Variants in SULF2 observed in about 807,000 individuals in gnomAD.
SULF2 encodes extracellular sulfatase Sulf-2.
Under a neutral mutation model 107.7 loss-of-function variants are expected in SULF2, and 52 were observed. The observed-to-expected ratio is 0.48, with a 90% CI of 0.39 to 0.61. The LOEUF (loss-of-function observed/expected upper bound fraction) is 0.61, where lower values mean the gene tolerates loss of function less well. Among genes scored for constraint, SULF2 ranks in the 20% least tolerant of loss-of-function variants. SULF2 has a pLI of 0.00. For missense variants in SULF2, 993 were observed against 1,177.3 expected (o/e 0.84, Z 2.29); for synonymous variants, 460 against 464.3 (o/e 0.99, Z 0.12).
chr20:47,697,166 A>G (rs2146571907), intron 4 of SULF2, among the ~76,000 whole-genome samples: 1 of 152,232 alleles, frequency 6.6e-6, no homozygotes, highest in Middle Eastern at 3.4e-3. Flanking sequence ...ACTCTAGGTC[A>G]TTCTCACTTC....
In SULF2 at chr20:47,678,872, G is replaced by T. The variant is rs560007487; in HGVS notation, c.1065-68C>A. 2.1e-6 allele frequency: 3 copies of T among 1,426,232 alleles called. No homozygotes were observed. The East Asian group carries it at 6.9e-5, about 33-fold the overall frequency. The allele number at this position is 1,426,232 out of a possible 1,614,324, so 88.3% of individuals were successfully genotyped here. A position where few individuals can be genotyped will look rare whatever the true frequency, so the allele number is the denominator to read the frequency against. On this transcript the variant is annotated intron_variant, in intron 7 of 20. Transcript: ENST00000688720. The surrounding 1 kb of genome is among the most constrained non-coding windows in gnomAD (Gnocchi z 4.5). ...GGTGCCTCAGCCTCGCGTGGGGGGT[G>T]GGGAGCGGTAGGTGGGCAGCAGTTT...
At chr20:47,711,666 CT>C (rs1307167271) in intron 3 of SULF2, among the ~76,000 whole-genome samples, 1 of 152,214 alleles carries the variant, frequency 6.6e-6, no homozygotes, top group Non-Finnish European at 1.5e-5. Flanking sequence ...CCAGAGCTGA[CT>C]CGCTGAATCA....
At chr20:47,772,777 G>A (rs954675002) in intron 1 of SULF2, among the ~76,000 whole-genome samples, 2 of 152,152 alleles carry the variant, frequency 1.3e-5, no homozygotes, top group Admixed American at 6.5e-5. Flanking sequence ...GTGCGTGGAC[G>A]GCTAAGATGA....
chr20:47,769,663 C>T (rs1042149605), intron 1 of SULF2, among the ~76,000 whole-genome samples: 5 of 152,172 alleles, frequency 3.3e-5, no homozygotes, highest in African/African-American at 1.2e-4. Flanking sequence ...GTTCCCGGCC[C>T]TATTCTTCAG....
chr20:47,737,755 G>GTTTTTTTTTTTTTTTTTT lies in SULF2; in HGVS notation c.176-831_176-814dup, dbSNP rs11484375. On this transcript the variant is annotated intron_variant, in intron 2 of 20. Transcript: ENST00000688720. ...CTGCTCTTGTTTCTTTCTTTTCTTT[G>GTTTTTTTTTTTTTTTTTT]TTTTTTTTTTTTTTTTTTTTTTTTT... Among the ~76,000 whole-genome samples the GTTTTTTTTTTTTTTTTTT allele has an allele frequency of 4.4e-4, 27 of 61,838 alleles. 1 individual carries two copies. The highest frequency in any genetic ancestry group is 5.0e-4 in the African/African-American group (8 of 15,964). 40.6% of individuals were successfully genotyped at this position (61,838 alleles called of 152,430 possible).
chr20:47,724,615 A>C (rs753698697), intron 3 of SULF2, among the ~76,000 whole-genome samples: 2 of 152,182 alleles, frequency 1.3e-5, no homozygotes, highest in Non-Finnish European at 2.9e-5. Context: ...CTCCATCTCT[A>C]GTGACAGGTT....
At position 47,665,862 on chromosome 20, in the gene SULF2, G is replaced by C. The variant is rs1450969968; in HGVS notation, c.1897C>G (p.His633Asp). The change falls in exon 13 of 21, where the codon CAC becomes GAC. Residue 633 changes from histidine (H) to aspartate (D), a missense_variant. Transcript: ENST00000688720. ...CTCTCCCGCTCTCCACTCACCTCGT[G>C]GTCGATGTGCAGCTTGTGGTCTTTC... is the stretch of plus-strand genomic sequence containing the variant. ...AWKDHKLHID[H>D]EIETLQNKIK... 1.9e-6 allele frequency: 3 copies of C among 1,613,656 alleles called. No homozygotes were observed. Among genetic ancestry groups the C allele is most frequent in the Non-Finnish European group, 1.7e-6 (2 of 1,179,686 alleles).
intron 11 of SULF2, among the ~76,000 whole-genome samples, chr20:47,667,039 A>G (rs1463284595): frequency 6.6e-6 from 1 of 152,150 alleles, no homozygotes; most frequent in African/African-American, 2.4e-5. Context: ...GGGTGATGAA[A>G]TGTTTTGGAA....
At chr20:47,668,597 C>T (rs576255144) in intron 11 of SULF2, among the ~76,000 whole-genome samples, 51 of 152,342 alleles carry the variant, frequency 3.3e-4, no homozygotes, top group African/African-American at 1.1e-3. Flanking sequence ...GTGGCCCCGG[C>T]GATTTGGGTA....
At chr20:47,775,071 G>C (rs574888458) in intron 1 of SULF2, among the ~76,000 whole-genome samples, 2 of 152,280 alleles carry the variant, frequency 1.3e-5, no homozygotes, top group East Asian at 3.9e-4. Context: ...AGTCTGTGAT[G>C]AATGGGTACT....
chr20:47,785,870 C>G (rs2090924384), upstream of SULF2: 1 of 152,876 alleles, frequency 6.5e-6, no homozygotes, highest in African/African-American at 2.4e-5. Flanking sequence ...GCGACCCGGC[C>G]CTGCCTGTCC....
intron 1 of SULF2, among the ~76,000 whole-genome samples, chr20:47,771,646 A>C (rs1245343435): frequency 6.6e-6 from 1 of 151,774 alleles, no homozygotes; most frequent in Non-Finnish European, 1.5e-5. Flanking sequence ...CCAGGAGGGA[A>C]GGCTGCTGTC....
In SULF2 at chr20:47,737,053, G is replaced by T. The variant is rs6018663; in HGVS notation, c.176-111C>A. On this transcript the variant is annotated intron_variant, in intron 2 of 20. Coordinates refer to ENST00000688720, the MANE Select transcript of SULF2 (RefSeq NM_001387048.1). ...AGGTCTGGAGTGGGCACATTCTGCA[G>T]ACCTACGGGGCAGACGGGGCAGGGG... 794 of 1,497,450 alleles carry T rather than the reference G, an allele frequency of 5.3e-4. 1 individual carries two copies. The African/African-American group carries it at 8.0e-3, about 15-fold the overall frequency. The allele number at this position is 1,497,450 out of a possible 1,614,324, so 92.8% of individuals were successfully genotyped here.
intron 4 of SULF2, among the ~76,000 whole-genome samples, chr20:47,698,849 C>T (rs1299506939): frequency 2.6e-5 from 4 of 151,980 alleles, no homozygotes; most frequent in Non-Finnish European, 2.9e-5. Context: ...CTGACCAACA[C>T]GGAGAAACCC....
chr20:47,741,265 C>A (rs1377736546), intron 2 of SULF2, among the ~76,000 whole-genome samples: 1 of 151,332 alleles, frequency 6.6e-6, no homozygotes, highest in East Asian at 1.9e-4. Flanking sequence ...CCCCTCTCCG[C>A]CCACTCTCTG....
At chr20:47,759,141 C>T (rs1424468672) in intron 1 of SULF2, among the ~76,000 whole-genome samples, 1 of 152,172 alleles carries the variant, frequency 6.6e-6, no homozygotes, top group Non-Finnish European at 1.5e-5. Context: ...AGGGGGTGCT[C>T]GCTCCCAGGC....
At chr20:47,754,268 C>T (rs915883196) in intron 2 of SULF2, among the ~76,000 whole-genome samples, 2 of 152,202 alleles carry the variant, frequency 1.3e-5, no homozygotes, top group African/African-American at 2.4e-5. Flanking sequence ...TTATCTCAGT[C>T]AAGAAGTCTC....
rs575514840 is a variant in SULF2, at chr20:47,761,604, G to A, written c.-100-4141C>T. On this transcript the variant is annotated intron_variant, in intron 1 of 20. Coordinates refer to ENST00000688720, the MANE Select transcript of SULF2 (RefSeq NM_001387048.1). Reference sequence around the variant, plus strand: ...GCAAATAGCTTCCCAGGCTTCGCGTGCCCTCGCGCTCGCACTCTCTTTTGA... The same window carrying A: ...GCAAATAGCTTCCCAGGCTTCGCGTACCCTCGCGCTCGCACTCTCTTTTGA... 3.3e-4 allele frequency among the ~76,000 whole-genome samples: 51 copies of A among 152,338 alleles called. 1 individual carries two copies. The highest frequency in any genetic ancestry group is 1.0e-3 in the African/African-American group (43 of 41,572).
At position 47,659,396 on chromosome 20, in the gene SULF2, C is replaced by T; in HGVS notation, c.2582+3G>A. Reference sequence around the variant, plus strand: ...CTATTTGTAAGCTGGTTCCTCAACTCACAGTGATTTGGAAGAAGGTCTCTT... The same window carrying T: ...CTATTTGTAAGCTGGTTCCTCAACTTACAGTGATTTGGAAGAAGGTCTCTT... On this transcript the variant is annotated splice_donor_region_variant and intron_variant, in intron 20 of 20. Coordinates refer to ENST00000688720, the MANE Select transcript of SULF2 (RefSeq NM_001387048.1). The T allele has an allele frequency of 1.2e-6, 2 of 1,613,958 alleles. No individual in the cohort carries two copies. The highest frequency in any genetic ancestry group is 2.7e-5 in the African/African-American group (2 of 75,060).
Sources: gnomAD v4.1 joint callset for allele counts (sites outside exome capture counted in the v4.1 genomes callset) on GRCh38, gnomAD v4.1.1 for gene constraint, Gnocchi (gnomAD v3.1) non-coding constraint, MANE v1.5 for transcripts, NCBI Gene and HGNC (gene_info 2026-07-23, HGNC 2026-07-21) for gene names.